Variants in ROBO1 observed in about 807,000 individuals in gnomAD.
ROBO1 encodes roundabout homolog 1.
Under a neutral mutation model 195.9 loss-of-function variants are expected in ROBO1, and 149 were observed. That is an observed-to-expected ratio of 0.76 (90% CI 0.67 to 0.87). The LOEUF (loss-of-function observed/expected upper bound fraction) is 0.87. ROBO1 is among the 40% of genes least tolerant of loss of function. The probability of loss-of-function intolerance (pLI) is 0.00; values close to 1 mark genes in which losing one functional copy is unlikely to be tolerated. For synonymous variants in ROBO1, 816 were observed against 733.2 expected (o/e 1.11, Z -1.82); for missense variants, 1,933 against 2,068.3 (o/e 0.93, Z 1.27).
At chr3:79,145,420 T>C (rs2080628787) in intron 2 of ROBO1, among the ~76,000 whole-genome samples, 1 of 150,098 alleles carries the variant, frequency 6.7e-6, no homozygotes, top group South Asian at 2.1e-4. Flanking sequence ...TAAATAACAG[T>C]CATCCTATTT....
At chr3:79,283,354 T>C (rs1409990719) in intron 2 of ROBO1, among the ~76,000 whole-genome samples, 1 of 152,190 alleles carries the variant, frequency 6.6e-6, no homozygotes, top group Non-Finnish European at 1.5e-5. Flanking sequence ...TCTGTACATG[T>C]ACCTCCTGAA....
intron 1 of ROBO1, among the ~76,000 whole-genome samples, chr3:79,619,910 C>T (rs989759842): frequency 6.6e-6 from 1 of 152,158 alleles, no homozygotes; most frequent in East Asian, 1.9e-4. Context: ...TTAACCTCGC[C>T]TTCAAGGTGT....
chr3:79,314,823 C>T (rs187357086), intron 2 of ROBO1, among the ~76,000 whole-genome samples: 65 of 152,292 alleles, frequency 4.3e-4, no homozygotes, highest in Non-Finnish European at 7.5e-4. Flanking sequence ...AGTAGGTATA[C>T]AGTGTGGTAG....
chr3:78,714,947 G>C (rs1160545956), intron 7 of ROBO1: 1 of 153,166 alleles, frequency 6.5e-6, no homozygotes. Context: ...CTGAGGTATA[G>C]GAGGTAAAGG....
chr3:78,994,453 C>G (rs10511124), intron 3 of ROBO1, among the ~76,000 whole-genome samples: 11,611 of 152,214 alleles, frequency 0.076, 627 homozygotes, highest in Non-Finnish European at 0.11. Flanking sequence ...GATAGTAAAT[C>G]TGTTGATGCC....
At chr3:79,597,169 A>C (rs374509334) in intron 1 of ROBO1, among the ~76,000 whole-genome samples, 1 of 151,708 alleles carries the variant, frequency 6.6e-6, no homozygotes, top group African/African-American at 2.4e-5. Context: ...TGACTAATCT[A>C]CACCTACTCT....
intron 4 of ROBO1, among the ~76,000 whole-genome samples, chr3:78,843,502 T>G (rs2033428183): frequency 6.6e-6 from 1 of 152,048 alleles, no homozygotes; most frequent in Non-Finnish European, 1.5e-5. Context: ...ATCACTTGGT[T>G]ATACTTGCAG....
intron 2 of ROBO1, among the ~76,000 whole-genome samples, chr3:79,459,651 T>C (rs1271752951): frequency 6.6e-6 from 1 of 152,084 alleles, no homozygotes. Flanking sequence ...TTCAGTAAAA[T>C]GTCTTTTCAG....
rs76287463 is a variant in ROBO1, at chr3:79,724,273, G to A, written c.-51+43479C>T. Among the ~76,000 whole-genome samples, 1,500 of 152,168 alleles carry A rather than the reference G, an allele frequency of 9.9e-3. 27 individuals carry two copies. Among genetic ancestry groups the A allele is most frequent in the African/African-American group, 0.034 (1,423 of 41,506 alleles). ...ATTTTTTATTTTAAGATGGTTAATG[G>A]GCTAAAACATAGTCAATTAAGAAAC... On this transcript the variant is annotated intron_variant, in intron 1 of 30. Transcript: ENST00000464233.
intron 2 of ROBO1, among the ~76,000 whole-genome samples, chr3:79,189,261 G>T (rs1559723183): frequency 1.3e-5 from 2 of 151,658 alleles, no homozygotes. Flanking sequence ...GATATCTCAA[G>T]TAAATTTTAA....
intron 2 of ROBO1, among the ~76,000 whole-genome samples, chr3:79,159,316 C>A (rs1345713517): frequency 6.6e-6 from 1 of 151,918 alleles, no homozygotes; most frequent in African/African-American, 2.4e-5. Flanking sequence ...TTATCTAAAT[C>A]ATATCAATCA....
In ROBO1 at chr3:78,604,893, T is replaced by C. The variant is rs546225679; in HGVS notation, c.4744+1840A>G. ...AATAATCTTCCATTTCTTGTGTTTC[T>C]TCCTCCTACATGGTTTCTTCTCTTT... On this transcript the variant is annotated intron_variant, in intron 29 of 30. Coordinates refer to ENST00000464233, the MANE Select transcript of ROBO1 (RefSeq NM_002941.4). Among the ~76,000 whole-genome samples, 81 of 152,364 alleles carry C rather than the reference T, an allele frequency of 5.3e-4. 1 individual carries two copies. Among genetic ancestry groups the C allele is most frequent in the Admixed American group, 1.0e-3 (16 of 15,304 alleles).
intron 16 of ROBO1, 118 bp downstream of exon 16, chr3:78,660,912 A>G (rs1168123512): frequency 6.8e-6 from 5 of 738,434 alleles, no homozygotes; most frequent in Non-Finnish European, 1.1e-5. Flanking sequence ...TGTATGTTCA[A>G]TATCAAGAAA....
intron 2 of ROBO1, among the ~76,000 whole-genome samples, chr3:79,147,362 A>G (rs1053713071): frequency 5.9e-5 from 9 of 152,008 alleles, no homozygotes; most frequent in Non-Finnish European, 4.4e-5. Flanking sequence ...TTAAAATGAA[A>G]TGTAAGAACA....
chr3:79,242,729 C>T (rs1429730084), intron 2 of ROBO1, among the ~76,000 whole-genome samples: 2 of 152,040 alleles, frequency 1.3e-5, no homozygotes, highest in African/African-American at 4.8e-5. Context: ...GAAATATTTC[C>T]TATAAAAAAA....
intron 22 of ROBO1, among the ~76,000 whole-genome samples, chr3:78,638,205 GTATA>G (rs976811505): frequency 1.3e-5 from 2 of 150,268 alleles, no homozygotes; most frequent in Non-Finnish European, 3.0e-5. Flanking sequence ...GTGTATGTGT[GTATA>G]TATATACACT....
At chr3:79,414,205 C>G (rs2037901001) in intron 2 of ROBO1, among the ~76,000 whole-genome samples, 1 of 151,338 alleles carries the variant, frequency 6.6e-6, no homozygotes, top group Admixed American at 6.6e-5. Flanking sequence ...CTCTTTCTCT[C>G]TCTCTCTCTC....
intron 3 of ROBO1, among the ~76,000 whole-genome samples, chr3:78,943,180 C>A (rs1208579059): frequency 6.6e-6 from 1 of 152,152 alleles, no homozygotes; most frequent in Non-Finnish European, 1.5e-5. Context: ...CGTGCCACTG[C>A]ACTCCAGCCT....
chr3:79,126,757 A>C lies in ROBO1; in HGVS notation c.89-1218T>G, dbSNP rs376785352. On this transcript the variant is annotated intron_variant, in intron 2 of 30. Coordinates refer to ENST00000464233, the MANE Select transcript of ROBO1 (RefSeq NM_002941.4). ...CACTTATGGCTGAGCCAGTGAGTAC[A>C]TGCAGGTACTGCCCCTCTAGAAACA... Among the ~76,000 whole-genome samples the C allele has an allele frequency of 1.4e-4, 22 of 152,300 alleles. 1 individual carries two copies. Among genetic ancestry groups the C allele is most frequent in the African/African-American group, 5.1e-4 (21 of 41,564 alleles).
Sources: allele counts gnomAD v4.1 joint callset (sites outside exome capture counted in the v4.1 genomes callset), GRCh38; gene constraint gnomAD v4.1.1; transcripts MANE v1.5; gene names NCBI Gene and HGNC (gene_info 2026-07-23, HGNC 2026-07-21).